CNTNAP5: variants seen among roughly 807,000 people sequenced by gnomAD.
CNTNAP5 encodes contactin associated protein family member 5, also known as contactin-associated protein-like 5.
A neutral mutation model predicts 150.2 loss-of-function variants in CNTNAP5; 72 were observed. The ratio of observed to expected loss-of-function variants is 0.48; its 90% CI spans 0.40 to 0.58. The LOEUF (loss-of-function observed/expected upper bound fraction) is 0.58, where lower values mean the gene tolerates loss of function less well. CNTNAP5 is among the 20% of genes least tolerant of loss of function. The pLI is 0.00. For missense variants in CNTNAP5, 1,636 were observed against 1,626.2 expected (o/e 1.01, Z -0.10); for synonymous variants, 672 against 619.8 (o/e 1.08, Z -1.25).
chr2:124,615,322 C>T (rs1677472913), intron 12 of CNTNAP5, among the ~76,000 whole-genome samples: 2 of 152,124 alleles, frequency 1.3e-5, no homozygotes, highest in South Asian at 4.1e-4. Context: ...CAAATTCTGC[C>T]ACTGCTTTAG....
At chr2:124,779,232 A>G (rs1432083077) in intron 17 of CNTNAP5, among the ~76,000 whole-genome samples, 1 of 152,236 alleles carries the variant, frequency 6.6e-6, no homozygotes, top group Non-Finnish European at 1.5e-5. Flanking sequence ...TGACTGAGCC[A>G]GAGTGCAAAG....
intron 3 of CNTNAP5, among the ~76,000 whole-genome samples, chr2:124,272,495 C>T (rs562417515): frequency 5.7e-4 from 87 of 152,276 alleles, no homozygotes; most frequent in African/African-American, 1.9e-3. Context: ...TCCCCCACCT[C>T]TTCAGAGGAG....
intron 19 of CNTNAP5, among the ~76,000 whole-genome samples, chr2:124,828,068 A>C (rs949047215): frequency 2.6e-5 from 4 of 152,166 alleles, no homozygotes; most frequent in Non-Finnish European, 4.4e-5. Context: ...GTGACAGGAA[A>C]AATGTTGTAG....
At position 124,615,735 on chromosome 2, in the gene CNTNAP5, G is replaced by A. The variant is rs554547291; in HGVS notation, c.1876+5815G>A. On this transcript the variant is annotated intron_variant, in intron 12 of 23. Transcript: ENST00000682447. ...TTCAATTTACTTTGCCCAGACACAT[G>A]GGAGGAATTACTATCTATGGCATTT... Among the ~76,000 whole-genome samples, 8 of 152,206 alleles carry A rather than the reference G, an allele frequency of 5.3e-5. No homozygotes were observed. In the South Asian group the frequency reaches 1.7e-3, roughly 32 times the overall value.
At chr2:124,887,210 G>C (rs1460052622) in intron 21 of CNTNAP5, among the ~76,000 whole-genome samples, 1 of 151,994 alleles carries the variant, frequency 6.6e-6, no homozygotes, top group Non-Finnish European at 1.5e-5. Context: ...CCCTCCTAAA[G>C]TGTGGTCTTT....
chr2:124,293,765 T>C (rs1398972115), intron 3 of CNTNAP5, among the ~76,000 whole-genome samples: 1 of 152,024 alleles, frequency 6.6e-6, no homozygotes, highest in Non-Finnish European at 1.5e-5. Context: ...ACCATAATCC[T>C]CTACAATTGT....
At chr2:124,592,933 C>T (rs1696731271) in intron 11 of CNTNAP5, among the ~76,000 whole-genome samples, 1 of 151,558 alleles carries the variant, frequency 6.6e-6, no homozygotes, top group Non-Finnish European at 1.5e-5. Context: ...TTTTGCCATT[C>T]AAAAATGTTT....
At chr2:124,643,385 GT>G (rs1211703892) in intron 12 of CNTNAP5, among the ~76,000 whole-genome samples, 1 of 152,076 alleles carries the variant, frequency 6.6e-6, no homozygotes, top group Non-Finnish European at 1.5e-5. Context: ...ATTTTTCCAG[GT>G]TTCTGGCTCC....
intron 10 of CNTNAP5, among the ~76,000 whole-genome samples, chr2:124,558,736 C>A (rs1558953376): frequency 6.6e-6 from 1 of 152,194 alleles, no homozygotes; most frequent in Admixed American, 6.5e-5. Context: ...CTGGAAACTT[C>A]AGCCCGGCCC....
chr2:124,559,282 T>C (rs1186555819), intron 10 of CNTNAP5, among the ~76,000 whole-genome samples: 1 of 152,218 alleles, frequency 6.6e-6, no homozygotes, highest in Non-Finnish European at 1.5e-5. Flanking sequence ...TCTCCTTTCA[T>C]TCCTATCTCT....
intron 3 of CNTNAP5, among the ~76,000 whole-genome samples, chr2:124,299,427 G>T (rs1688520098): frequency 6.6e-6 from 1 of 152,152 alleles, no homozygotes; most frequent in Admixed American, 6.5e-5. Context: ...TTATAAGTGA[G>T]AATATGCTGT....
intron 3 of CNTNAP5, among the ~76,000 whole-genome samples, chr2:124,368,756 C>T (rs1278081075): frequency 6.6e-6 from 1 of 151,942 alleles, no homozygotes; most frequent in East Asian, 1.9e-4. Flanking sequence ...GGTGGGAGGC[C>T]TGGTTTGCAT....
intron 13 of CNTNAP5, among the ~76,000 whole-genome samples, chr2:124,728,159 A>T (rs539476766): frequency 6.6e-6 from 1 of 152,024 alleles, no homozygotes; most frequent in Non-Finnish European, 1.5e-5. Context: ...CATGGTGTGT[A>T]ATTCTCTTGA....
At chr2:124,607,438 C>G (rs554215151) in intron 11 of CNTNAP5, among the ~76,000 whole-genome samples, 1 of 152,214 alleles carries the variant, frequency 6.6e-6, no homozygotes, top group African/African-American at 2.4e-5. Context: ...ATGGAAGTCA[C>G]TGTTGTTTTA....
intron 1 of CNTNAP5, among the ~76,000 whole-genome samples, chr2:124,073,973 T>C (rs536275074): frequency 6.6e-6 from 1 of 152,244 alleles, no homozygotes; most frequent in East Asian, 1.9e-4. Flanking sequence ...GAAGAAAATG[T>C]GGTACATATA....
intron 3 of CNTNAP5, among the ~76,000 whole-genome samples, chr2:124,243,309 G>A (rs1686933716): frequency 1.3e-5 from 2 of 151,980 alleles, no homozygotes; most frequent in Admixed American, 6.6e-5. Context: ...TTAAATCAAT[G>A]CCAATTTATA....
intron 1 of CNTNAP5, among the ~76,000 whole-genome samples, chr2:124,026,600 A>C (rs1220547713): frequency 1.3e-5 from 2 of 152,208 alleles, no homozygotes; most frequent in Non-Finnish European, 2.9e-5. Context: ...AGGCAGAGAA[A>C]GGGAAGTTTT....
At chr2:124,173,765 T>A (rs1319856749) in intron 1 of CNTNAP5, among the ~76,000 whole-genome samples, 1 of 152,188 alleles carries the variant, frequency 6.6e-6, no homozygotes, top group East Asian at 1.9e-4. Flanking sequence ...CTAGATGACA[T>A]CACTGATGAA....
chr2:124,803,039 C>T (rs570023287), intron 19 of CNTNAP5, among the ~76,000 whole-genome samples: 10 of 150,102 alleles, frequency 6.7e-5, no homozygotes, highest in East Asian at 2.0e-4. Context: ...GATGTGAACC[C>T]GGGAGGTGGA....
Sources: gnomAD v4.1 joint callset for allele counts (sites outside exome capture counted in the v4.1 genomes callset) on GRCh38, gnomAD v4.1.1 for gene constraint, MANE v1.5 for transcripts, NCBI Gene and HGNC (gene_info 2026-07-23, HGNC 2026-07-21) for gene names.